The following MAGI2 variants were observed in gnomAD, a reference collection of about 807,000 sequenced individuals.
The protein encoded by MAGI2 is membrane-associated guanylate kinase, WW and PDZ domain-containing protein 2.
A neutral mutation model predicts 133.3 loss-of-function variants in MAGI2; 35 were observed. The ratio of observed to expected loss-of-function variants is 0.26; its 90% CI spans 0.20 to 0.35. The LOEUF is 0.35. Among genes scored for constraint, MAGI2 ranks in the 10% least tolerant of loss-of-function variants. MAGI2 has a pLI of 1.00. For synonymous variants in MAGI2, 729 were observed against 710.6 expected (o/e 1.03, Z -0.41); for missense variants, 1,636 against 1,863.4 (o/e 0.88, Z 2.25).
chr7:78,664,263 T>C (rs1160022835), intron 2 of MAGI2, among the ~76,000 whole-genome samples: 1 of 152,224 alleles, frequency 6.6e-6, no homozygotes, highest in African/African-American at 2.4e-5. Flanking sequence ...CACCAGTAGT[T>C]ATCCTCACCA....
At chr7:78,967,991 G>A (rs766288116) in intron 2 of MAGI2, among the ~76,000 whole-genome samples, 31 of 151,636 alleles carry the variant, frequency 2.0e-4, no homozygotes, top group Non-Finnish European at 2.7e-4. Context: ...CCACCATGTC[G>A]AGCTAATTTT....
At chr7:78,198,637 G>A (rs1828958560) in intron 11 of MAGI2, among the ~76,000 whole-genome samples, 1 of 152,092 alleles carries the variant, frequency 6.6e-6, no homozygotes. Context: ...TCGCCATGTT[G>A]GCCATGCTTG....
chr7:78,735,746 G>C (rs926111953), intron 2 of MAGI2, among the ~76,000 whole-genome samples: 44 of 152,238 alleles, frequency 2.9e-4, no homozygotes, highest in African/African-American at 8.9e-4. Flanking sequence ...AAATGGAGGA[G>C]AGCAGCCTCA....
At chr7:78,399,091 G>C (rs1468833941) in intron 6 of MAGI2, among the ~76,000 whole-genome samples, 1 of 151,048 alleles carries the variant, frequency 6.6e-6, no homozygotes, top group Non-Finnish European at 1.5e-5. Flanking sequence ...ATTCATGACA[G>C]AGCTAGTGAA....
chr7:78,141,329 A>T lies in MAGI2; in HGVS notation c.2846-6123T>A, dbSNP rs564219203. On this transcript the variant is annotated intron_variant, in intron 16 of 21. Transcript: ENST00000354212. ...ATCTGTTTTTCTGCCTTTAGAAACC[A>T]GAGCATAATATTAATCTTGCTTATT... Among the ~76,000 whole-genome samples, 6 of 152,292 alleles carry T rather than the reference A, an allele frequency of 3.9e-5. No individual in the cohort carries two copies. The South Asian group carries it at 1.0e-3, about 26-fold the overall frequency.
chr7:78,022,450 A>G (rs1458434413), intron 21 of MAGI2, among the ~76,000 whole-genome samples: 3 of 152,232 alleles, frequency 2.0e-5, no homozygotes, highest in Non-Finnish European at 4.4e-5. Context: ...CTGAAGGAGG[A>G]ATTGAAGTAG....
intron 2 of MAGI2, among the ~76,000 whole-genome samples, chr7:79,006,205 T>C (rs1807427845): frequency 6.6e-6 from 1 of 152,184 alleles, no homozygotes. Flanking sequence ...TTTGTTTCAC[T>C]TATACCAGCC....
At chr7:78,735,492 A>G (rs1258606289) in intron 2 of MAGI2, among the ~76,000 whole-genome samples, 1 of 152,218 alleles carries the variant, frequency 6.6e-6, no homozygotes, top group Non-Finnish European at 1.5e-5. Context: ...CCATTCAACC[A>G]CTGAGCAACT....
intron 3 of MAGI2, among the ~76,000 whole-genome samples, chr7:78,584,207 G>C (rs1219962962): frequency 6.6e-6 from 1 of 152,038 alleles, no homozygotes; most frequent in Non-Finnish European, 1.5e-5. Flanking sequence ...AGATCACAAG[G>C]TCAAGAGTTC....
rs769770373 is a variant in MAGI2 at position 79,077,574 on chromosome 7, C to CAAAA, written c.302-70372_302-70369dup. Reference sequence around the variant, plus strand: ...TGGGCAACAGAGCGAGACTGCCTCTCAAAAAAAAAAAAAAAAAAAAATAAA... The same window carrying CAAAA: ...TGGGCAACAGAGCGAGACTGCCTCTCAAAAAAAAAAAAAAAAAAAAAAAAATAAA... On this transcript the variant is annotated intron_variant, in intron 1 of 21. Transcript: ENST00000354212. Among the ~76,000 whole-genome samples the CAAAA allele has an allele frequency of 6.7e-3, 158 of 23,704 alleles. 15 individuals are homozygous for CAAAA. Among genetic ancestry groups the CAAAA allele is most frequent in the African/African-American group, 0.019 (124 of 6,562 alleles). The allele number at this position is 23,704 out of a possible 152,430, so 15.6% of individuals were successfully genotyped here.
chr7:78,065,013 A>T (rs75147431), intron 21 of MAGI2, among the ~76,000 whole-genome samples: 3,213 of 150,948 alleles, frequency 0.021, 122 homozygotes, highest in African/African-American at 0.074. Context: ...GGCCCTTAAA[A>T]TTTTTTTTTT....
At chr7:79,336,182 G>A (rs890467452) in intron 1 of MAGI2, among the ~76,000 whole-genome samples, 1 of 152,018 alleles carries the variant, frequency 6.6e-6, no homozygotes, top group Non-Finnish European at 1.5e-5. Flanking sequence ...TAATTCTCAG[G>A]ATAGATTTAT....
intron 9 of MAGI2, among the ~76,000 whole-genome samples, chr7:78,299,638 T>G (rs964023093): frequency 1.3e-5 from 2 of 152,216 alleles, no homozygotes; most frequent in South Asian, 2.1e-4. Context: ...ATGTACAAGA[T>G]GTACAGGTTT....
intron 1 of MAGI2, among the ~76,000 whole-genome samples, chr7:79,293,312 T>C (rs1362281875): frequency 6.6e-6 from 1 of 152,166 alleles, no homozygotes; most frequent in Non-Finnish European, 1.5e-5. Flanking sequence ...CTAGCTGCTC[T>C]CTTTCATATT....
At chr7:79,244,541 C>T (rs1019568231) in intron 1 of MAGI2, among the ~76,000 whole-genome samples, 1 of 152,100 alleles carries the variant, frequency 6.6e-6, no homozygotes, top group Non-Finnish European at 1.5e-5. Context: ...TCAGTGGATG[C>T]CCATAGAGGG....
intron 9 of MAGI2, among the ~76,000 whole-genome samples, chr7:78,286,083 T>C (rs1218887664): frequency 6.6e-6 from 1 of 151,968 alleles, no homozygotes; most frequent in African/African-American, 2.4e-5. Flanking sequence ...CTCTTTGAAA[T>C]GTTTTAATAT....
intron 9 of MAGI2, among the ~76,000 whole-genome samples, chr7:78,341,591 G>A (rs948910133): frequency 3.9e-5 from 6 of 152,024 alleles, no homozygotes; most frequent in African/African-American, 1.4e-4. Flanking sequence ...AAATAGCATC[G>A]TACTGGTACC....
intron 6 of MAGI2, among the ~76,000 whole-genome samples, chr7:78,411,293 A>G (rs1312744755): frequency 6.6e-6 from 1 of 152,040 alleles, no homozygotes; most frequent in African/African-American, 2.4e-5. Flanking sequence ...CTCGTACTGT[A>G]TAAATTGAAT....
chr7:78,189,854 A>G (rs1212883225), intron 12 of MAGI2, among the ~76,000 whole-genome samples: 1 of 152,196 alleles, frequency 6.6e-6, no homozygotes, highest in Non-Finnish European at 1.5e-5. Context: ...AAGCAACAGG[A>G]CAAGGCCCTC....
Sources: allele counts gnomAD v4.1 joint callset (sites outside exome capture counted in the v4.1 genomes callset), GRCh38; gene constraint gnomAD v4.1.1; transcripts MANE v1.5; gene names NCBI Gene and HGNC (gene_info 2026-07-23, HGNC 2026-07-21).